The following AK9 variants were observed in gnomAD, a reference collection of about 807,000 sequenced individuals.
AK9 encodes adenylate kinase 9, also known as adenylate kinase domain containing 1.
A neutral mutation model predicts 239.6 loss-of-function variants in AK9; 191 were observed. The ratio of observed to expected loss-of-function variants is 0.80; its 90% CI spans 0.71 to 0.90. AK9 has a LOEUF of 0.90. AK9 is among the 40% of genes least tolerant of loss of function. AK9 has a pLI of 0.00. For synonymous variants in AK9, 689 were observed against 721.0 expected (o/e 0.96, Z 0.71); for missense variants, 1,995 against 2,214.7 (o/e 0.90, Z 1.99).
chr6:109,620,781 A>G (rs1794714647), intron 12 of AK9, among the ~76,000 whole-genome samples: 1 of 151,488 alleles, frequency 6.6e-6, no homozygotes, highest in Non-Finnish European at 1.5e-5. Context: ...AATAGTATAC[A>G]CATATACACC....
chr6:109,679,189 C>A (rs1004128412), intron 1 of AK9, among the ~76,000 whole-genome samples: 2 of 152,186 alleles, frequency 1.3e-5, no homozygotes, highest in African/African-American at 4.8e-5. Context: ...CAGAACCCAG[C>A]AAGCTAAGAT....
chr6:109,660,140 A>G (rs1428657375), intron 6 of AK9, among the ~76,000 whole-genome samples: 3 of 152,226 alleles, frequency 2.0e-5, no homozygotes, highest in Admixed American at 1.3e-4. Context: ...CTCAGGTCAC[A>G]ATGTCACATG....
intron 10 of AK9, among the ~76,000 whole-genome samples, chr6:109,637,372 T>TC (rs1188310106): frequency 6.6e-6 from 1 of 152,098 alleles, no homozygotes; most frequent in Non-Finnish European, 1.5e-5. Flanking sequence ...TGATGTGTTT[T>TC]CCTTTTTTTT....
chr6:109,585,509 C>T (rs578226305), intron 18 of AK9, among the ~76,000 whole-genome samples: 4 of 152,170 alleles, frequency 2.6e-5, no homozygotes, highest in Middle Eastern at 3.4e-3. Flanking sequence ...TTTTGAATAT[C>T]TTACTTTAAG....
intron 1 of AK9, among the ~76,000 whole-genome samples, chr6:109,683,295 T>C (rs1004064109): frequency 5.9e-5 from 9 of 152,238 alleles, no homozygotes; most frequent in Non-Finnish European, 1.2e-4. Context: ...CAATATCATA[T>C]TGAATGGGCA....
intron 21 of AK9, 140 bp downstream of exon 21, chr6:109,573,302 C>T: frequency 1.1e-6 from 1 of 895,664 alleles, no homozygotes; most frequent in South Asian, 2.9e-5. Flanking sequence ...GGGATTTGGA[C>T]TCAATGGCTG....
intron 13 of AK9, among the ~76,000 whole-genome samples, chr6:109,615,258 CTTT>C (rs5879032): frequency 1.4e-5 from 2 of 139,288 alleles, no homozygotes; most frequent in Non-Finnish European, 1.5e-5. Context: ...GTTCCCTTGG[CTTT>C]TTTTTTTTTT....
chr6:109,529,751 T>G (rs972870236), intron 28 of AK9, among the ~76,000 whole-genome samples: 3 of 152,154 alleles, frequency 2.0e-5, no homozygotes, highest in African/African-American at 7.2e-5. Context: ...ATCCCTTGCA[T>G]GCACAATTAA....
At chr6:109,659,723 A>C (rs1202827515) in intron 6 of AK9, among the ~76,000 whole-genome samples, 1 of 152,140 alleles carries the variant, frequency 6.6e-6, no homozygotes, top group Non-Finnish European at 1.5e-5. Flanking sequence ...AAATCAGTTA[A>C]CTCTGCAAAG....
At chr6:109,539,838 G>A (rs1026933755) in intron 27 of AK9, among the ~76,000 whole-genome samples, 1 of 152,212 alleles carries the variant, frequency 6.6e-6, no homozygotes, top group Non-Finnish European at 1.5e-5. Context: ...ACCCTCAGCT[G>A]TAGATTTGTT....
At chr6:109,640,547 C>G (rs1270167851) in intron 10 of AK9, among the ~76,000 whole-genome samples, 5 of 151,050 alleles carry the variant, frequency 3.3e-5, no homozygotes. Context: ...TGGAGCTGTT[C>G]CTATTTGGCC....
intron 32 of AK9, 50 bp from the exon 33 acceptor site, chr6:109,509,430 G>C: frequency 6.8e-7 from 1 of 1,480,356 alleles, no homozygotes; most frequent in South Asian, 1.2e-5. Flanking sequence ...AGATTCAGGG[G>C]GGACATGTGC....
chr6:109,663,581 G>T (rs1255542798), intron 5 of AK9, among the ~76,000 whole-genome samples: 1 of 152,148 alleles, frequency 6.6e-6, no homozygotes, highest in East Asian at 1.9e-4. Context: ...TTCTTGATGA[G>T]AGTGGTGGTG....
chr6:109,655,105 A>C (rs1799497865), intron 8 of AK9, among the ~76,000 whole-genome samples: 1 of 152,200 alleles, frequency 6.6e-6, no homozygotes, highest in Admixed American at 6.5e-5. Flanking sequence ...TGCAGGGCCT[A>C]GAAGTTTTCT....
intron 29 of AK9, 97 bp from the exon 30 acceptor site, chr6:109,516,739 T>C: frequency 9.7e-7 from 1 of 1,029,410 alleles, no homozygotes; most frequent in South Asian, 1.6e-5. Context: ...TGGCTCGATA[T>C]TGGTTGGTAT....
chr6:109,670,544 CTG>C (rs1382104138), intron 5 of AK9, among the ~76,000 whole-genome samples: 1 of 152,090 alleles, frequency 6.6e-6, no homozygotes, highest in East Asian at 1.9e-4. Flanking sequence ...CTAATAACAA[CTG>C]TAAAACATTA....
At chr6:109,578,949 T>C (rs1343942279) in intron 20 of AK9, among the ~76,000 whole-genome samples, 1 of 152,238 alleles carries the variant, frequency 6.6e-6, no homozygotes, top group Non-Finnish European at 1.5e-5. Flanking sequence ...TGGCCTATTA[T>C]GTGATCTATC....
chr6:109,649,572 A>G (rs1798604923), intron 8 of AK9, among the ~76,000 whole-genome samples: 1 of 152,278 alleles, frequency 6.6e-6, no homozygotes, highest in Non-Finnish European at 1.5e-5. Flanking sequence ...CCACTGCTCA[A>G]TGAAATAAAA....
chr6:109,538,799 G>C (rs981513873), intron 27 of AK9, among the ~76,000 whole-genome samples: 1 of 152,098 alleles, frequency 6.6e-6, no homozygotes, highest in East Asian at 1.9e-4. Flanking sequence ...GGGCAGGCCT[G>C]GTGGTGACAA....
Sources: allele counts gnomAD v4.1 joint callset (sites outside exome capture counted in the v4.1 genomes callset), GRCh38; gene constraint gnomAD v4.1.1; transcripts MANE v1.5; gene names NCBI Gene and HGNC (gene_info 2026-07-23, HGNC 2026-07-21).